The following SLC35F1 variants were observed in gnomAD, a reference collection of about 807,000 sequenced individuals.
SLC35F1 encodes the protein solute carrier family 35 member F1.
A neutral mutation model predicts 48.7 loss-of-function variants in SLC35F1; 14 were observed. That is an observed-to-expected ratio of 0.29 (90% CI 0.19 to 0.45). The LOEUF is 0.45. Ranked by LOEUF, SLC35F1 falls within the 20% of genes least tolerant of loss-of-function variation. The pLI, the probability that SLC35F1 is intolerant of heterozygous loss-of-function variation, is 1.00. For missense variants in SLC35F1, 404 were observed against 500.0 expected (o/e 0.81, Z 1.83); for synonymous variants, 190 against 202.2 (o/e 0.94, Z 0.51).
intron 1 of SLC35F1, among the ~76,000 whole-genome samples, chr6:118,026,712 G>A (rs995590127): frequency 6.6e-6 from 1 of 152,132 alleles, no homozygotes; most frequent in African/African-American, 2.4e-5. Flanking sequence ...GCATGAAGAC[G>A]GTTGAGAACA....
chr6:118,026,924 A>C (rs1164927322), intron 1 of SLC35F1, among the ~76,000 whole-genome samples: 1 of 152,170 alleles, frequency 6.6e-6, no homozygotes, highest in Non-Finnish European at 1.5e-5. Context: ...GTTAAGACAG[A>C]TAGTACATTT....
chr6:118,179,111 G>C (rs1774535303), intron 2 of SLC35F1, among the ~76,000 whole-genome samples: 1 of 152,092 alleles, frequency 6.6e-6, no homozygotes, highest in East Asian at 1.9e-4. Flanking sequence ...GGAGTTTTTG[G>C]AACAGGGGCT....
At chr6:117,949,445 A>C (rs1236645692) in intron 1 of SLC35F1, among the ~76,000 whole-genome samples, 2 of 151,974 alleles carry the variant, frequency 1.3e-5, no homozygotes, top group African/African-American at 4.8e-5. Context: ...GCACTTTATT[A>C]TTTTTTTCGA....
intron 1 of SLC35F1, among the ~76,000 whole-genome samples, chr6:118,034,439 TC>T (rs1250285357): frequency 6.6e-6 from 1 of 152,016 alleles, no homozygotes; most frequent in African/African-American, 2.4e-5. Context: ...ATGCCTGTAA[TC>T]CCAGCTATTC....
At chr6:117,927,152 T>A (rs902040608) in intron 1 of SLC35F1, among the ~76,000 whole-genome samples, 1 of 152,184 alleles carries the variant, frequency 6.6e-6, no homozygotes, top group African/African-American at 2.4e-5. Flanking sequence ...TGGTAATATA[T>A]TTATAGTTCT....
chr6:118,058,248 G>T (rs2114267896), intron 1 of SLC35F1, among the ~76,000 whole-genome samples: 1 of 152,050 alleles, frequency 6.6e-6, no homozygotes, highest in African/African-American at 2.4e-5. Flanking sequence ...AAAAATTTTG[G>T]GTTTTTAGAT....
chr6:117,976,912 T>A (rs1776713095), intron 1 of SLC35F1, among the ~76,000 whole-genome samples: 1 of 152,222 alleles, frequency 6.6e-6, no homozygotes, highest in Non-Finnish European at 1.5e-5. Flanking sequence ...AAATATAGTT[T>A]TGTGTGCTAC....
chr6:118,044,124 G>A (rs1352129593), intron 1 of SLC35F1, among the ~76,000 whole-genome samples: 1 of 152,196 alleles, frequency 6.6e-6, no homozygotes, highest in African/African-American at 2.4e-5. Flanking sequence ...GAACAGTGCA[G>A]CCCCAAAGCC....
intron 1 of SLC35F1, among the ~76,000 whole-genome samples, chr6:117,956,394 A>G (rs1278145132): frequency 1.3e-5 from 2 of 152,204 alleles, no homozygotes; most frequent in Non-Finnish European, 2.9e-5. Flanking sequence ...GGCAATGCAG[A>G]GCAATGGTGC....
At position 118,031,309 on chromosome 6, in the gene SLC35F1, T is replaced by C. The variant is rs571686585; in HGVS notation, c.174-123136T>C. 5.3e-5 allele frequency among the ~76,000 whole-genome samples: 8 copies of C among 152,300 alleles called. No individual in the cohort carries two copies. In the South Asian group the frequency reaches 8.3e-4, roughly 16 times the overall value. ...AGTTATTTCTGCATGAAATACTACT[T>C]TCAAGGGCAGGTATGAGGTCTACTG... On this transcript the variant is annotated intron_variant, in intron 1 of 7. Transcript: ENST00000360388.
chr6:118,004,628 C>T (rs572891776), intron 1 of SLC35F1, among the ~76,000 whole-genome samples: 2 of 152,276 alleles, frequency 1.3e-5, no homozygotes, highest in African/African-American at 4.8e-5. Flanking sequence ...GCAGCCTGAT[C>T]ATAGCTCACT....
At chr6:117,916,703 T>G (rs1775830480) in intron 1 of SLC35F1, among the ~76,000 whole-genome samples, 1 of 152,104 alleles carries the variant, frequency 6.6e-6, no homozygotes, top group Non-Finnish European at 1.5e-5. Context: ...GGGCAGTAAG[T>G]GGGGAGTAAG....
chr6:118,091,080 G>A (rs535626454), intron 1 of SLC35F1, among the ~76,000 whole-genome samples: 1 of 152,298 alleles, frequency 6.6e-6, no homozygotes, highest in Non-Finnish European at 1.5e-5. Context: ...TTAAGCAGTT[G>A]GGTGAATTGA....
At chr6:118,125,278 T>G (rs1160467100) in intron 1 of SLC35F1, among the ~76,000 whole-genome samples, 1 of 151,760 alleles carries the variant, frequency 6.6e-6, no homozygotes, top group Non-Finnish European at 1.5e-5. Flanking sequence ...GTGTCACTTT[T>G]CCCTCTGTGC....
At chr6:118,230,917 C>T (rs939679561) in intron 2 of SLC35F1, among the ~76,000 whole-genome samples, 5 of 152,080 alleles carry the variant, frequency 3.3e-5, no homozygotes, top group African/African-American at 7.2e-5. Flanking sequence ...GCCATGGTCA[C>T]GCCACTGCAC....
chr6:117,988,085 A>G (rs1776870430), intron 1 of SLC35F1, among the ~76,000 whole-genome samples: 1 of 152,128 alleles, frequency 6.6e-6, no homozygotes, highest in Admixed American at 6.5e-5. Context: ...AATCCAGTGG[A>G]CACACATTAC....
intron 1 of SLC35F1, among the ~76,000 whole-genome samples, chr6:117,977,659 T>C (rs1776722808): frequency 6.6e-6 from 1 of 152,204 alleles, no homozygotes. Context: ...TATATCTCCA[T>C]CTGCTATATC....
intron 1 of SLC35F1, among the ~76,000 whole-genome samples, chr6:118,018,833 C>G (rs1255021268): frequency 6.6e-6 from 1 of 152,126 alleles, no homozygotes; most frequent in Non-Finnish European, 1.5e-5. Flanking sequence ...TCCTGACATC[C>G]TGGGTTGATT....
chr6:118,226,205 G>A (rs1775215850), intron 2 of SLC35F1, among the ~76,000 whole-genome samples: 1 of 152,136 alleles, frequency 6.6e-6, no homozygotes, highest in South Asian at 2.1e-4. Context: ...AAAAGACAAG[G>A]AATGACATGC....
Sources: allele counts gnomAD v4.1 joint callset (sites outside exome capture counted in the v4.1 genomes callset), GRCh38; gene constraint gnomAD v4.1.1; transcripts MANE v1.5; gene names NCBI Gene and HGNC (gene_info 2026-07-23, HGNC 2026-07-21).